Variants in ZKSCAN8 observed in about 807,000 individuals in gnomAD.
ZKSCAN8 encodes the protein zinc finger protein with KRAB and SCAN domains 8.
In ZKSCAN8, 27 loss-of-function variants were observed where a neutral mutation model predicts 57.2. The ratio of observed to expected loss-of-function variants is 0.47; its 90% CI spans 0.35 to 0.65. The LOEUF (loss-of-function observed/expected upper bound fraction) is 0.65. Ranked by LOEUF, ZKSCAN8 falls within the 30% of genes least tolerant of loss-of-function variation. The probability of loss-of-function intolerance (pLI) is 0.01; values close to 1 mark genes in which losing one functional copy is unlikely to be tolerated. For synonymous variants in ZKSCAN8, 214 were observed against 248.7 expected (o/e 0.86, Z 1.31); for missense variants, 597 against 696.3 (o/e 0.86, Z 1.60).
At position 28,154,797 on chromosome 6, in the gene ZKSCAN8, A is replaced by C. The variant is rs1765732537; in HGVS notation, c.*780A>C. The C allele has an allele frequency of 6.6e-6, 1 of 152,518 alleles. No homozygotes were observed. The highest frequency in any genetic ancestry group is 6.6e-5 in the Admixed American group (1 of 15,258). The allele number at this position is 152,518 out of a possible 1,614,324, so 9.4% of individuals were successfully genotyped here. ...AATACAGAGAAAGAGGTGAGTGGAG[A>C]CTCAGCCCAGCTGCTCTTGAGCTTG... On this transcript the variant is annotated 3_prime_UTR_variant, in exon 6 of 6. Transcript: ENST00000330236.
intron 1 of ZKSCAN8, among the ~76,000 whole-genome samples, chr6:28,146,284 C>G (rs1765390623): frequency 6.6e-6 from 1 of 152,070 alleles, no homozygotes. Context: ...AGTCAGAATT[C>G]CTTTGGAACT....
chr6:28,142,438 G>A (rs1395562621), intron 1 of ZKSCAN8, among the ~76,000 whole-genome samples: 3 of 151,450 alleles, frequency 2.0e-5, no homozygotes, highest in African/African-American at 7.3e-5. Flanking sequence ...TGGAAGCCCC[G>A]TTTATCCATG....
rs1362238364 is a variant in ZKSCAN8 at position 28,155,215 on chromosome 6, A to G, written c.*1198A>G. ...TTTTCATTCTTTTGAACTCTGGTGC[A>G]CTCCATCTGTAATCCATGTCTATAA... On this transcript the variant is annotated 3_prime_UTR_variant, in exon 6 of 6. Coordinates refer to ENST00000330236, the MANE Select transcript of ZKSCAN8 (RefSeq NM_006298.4). The G allele has an allele frequency of 2.0e-5, 3 of 152,128 alleles. No homozygotes were observed. Among genetic ancestry groups the G allele is most frequent in the Non-Finnish European group, 4.4e-5 (3 of 68,024 alleles). The allele number at this position is 152,128 out of a possible 1,614,324, so 9.4% of individuals were successfully genotyped here. A position where few individuals can be genotyped will look rare whatever the true frequency, so the allele number is the denominator to read the frequency against.
rs1765796372 is a variant in ZKSCAN8, at chr6:28,156,749, C to T, written c.*2732C>T. 1 of 152,186 alleles carries T rather than the reference C, an allele frequency of 6.6e-6. No individual in the cohort carries two copies. Among genetic ancestry groups the T allele is most frequent in the South Asian group, 2.1e-4 (1 of 4,828 alleles). 9.4% of individuals were successfully genotyped at this position (152,186 alleles called of 1,614,324 possible). The stretch of plus-strand genomic sequence containing the variant: ...AACTATTCATCAGTACTTTCTCCTC[C>T]CATCCTAAGCTTCTCATTTTAGGAA... On this transcript the variant is annotated 3_prime_UTR_variant, in exon 6 of 6. Transcript: ENST00000330236.
intron 1 of ZKSCAN8, among the ~76,000 whole-genome samples, chr6:28,145,731 T>C (rs1765371915): frequency 6.6e-6 from 1 of 152,228 alleles, no homozygotes; most frequent in Non-Finnish European, 1.5e-5. Context: ...GTCACTTAGC[T>C]CTCATTCATC....
chr6:28,146,908 A>G (rs1765416399), intron 1 of ZKSCAN8, among the ~76,000 whole-genome samples: 1 of 152,170 alleles, frequency 6.6e-6, no homozygotes, highest in East Asian at 1.9e-4. Context: ...CTCAAATTCT[A>G]TATAAAAATT....
Position 28,152,223 on chromosome 6 carries a change from A to C in ZKSCAN8, c.652-38A>C, listed in dbSNP as rs77155680. On this transcript the variant is annotated intron_variant, in intron 4 of 5. Transcript: ENST00000330236. ...GCTCTATAGGTTTGAGCTGTGGAAC[A>C]GTCCCAGTCCCCAAATGGGGATCTT... The C allele has an allele frequency of 2.4e-3, 3,854 of 1,576,620 alleles. 77 individuals are homozygous for C. The African/African-American group carries it at 0.044, about 18-fold the overall frequency.
Position 28,149,515 on chromosome 6 carries a change from CTGGGAG to C in ZKSCAN8, c.451_456del (p.Trp151_Glu152del). ...CTCGCGTACATGGACATAGGGTACT[CTGGGAG>C]GAGGTAGTACATTCAGCATCTGCAC... On this transcript the variant is annotated inframe_deletion, in exon 3 of 6. Coordinates refer to ENST00000330236, the MANE Select transcript of ZKSCAN8 (RefSeq NM_006298.4). The C allele has an allele frequency of 6.2e-7, 1 of 1,614,098 alleles. No individual in the cohort carries two copies. The highest frequency in any genetic ancestry group is 1.7e-5 in the Admixed American group (1 of 60,016).
At chr6:28,152,517 G>A in intron 5 of ZKSCAN8, 133 bp downstream of exon 5, 2 of 1,223,370 alleles carry the variant, frequency 1.6e-6, no homozygotes, top group Non-Finnish European at 2.2e-6. Context: ...ATATGATGTT[G>A]AGATTTCTTG....
Position 28,153,254 on chromosome 6 carries a change from A to G in ZKSCAN8, c.974A>G (p.Asp325Gly). ...NPTQERRHKCDECGKSFAQSS... is the reference protein window; with the variant it reads ...NPTQERRHKCGECGKSFAQSS... The stretch of plus-strand genomic sequence containing the variant: ...ACACAAGAGAGACGACATAAATGTG[A>G]TGAATGTGGGAAAAGCTTTGCTCAG... The change falls in exon 6 of 6, where the codon GAT becomes GGT. Residue 325 changes from aspartate (D) to glycine (G), a missense_variant. Transcript: ENST00000330236. 1.2e-6 allele frequency: 2 copies of G among 1,614,246 alleles called. No individual in the cohort carries two copies. Among genetic ancestry groups the G allele is most frequent in the Non-Finnish European group, 1.7e-6 (2 of 1,180,038 alleles).
rs1437928041 is a variant in ZKSCAN8, at chr6:28,155,000, T to C, written c.*983T>C. The C allele has an allele frequency of 6.6e-6, 1 of 152,616 alleles. No individual in the cohort carries two copies. Among genetic ancestry groups the C allele is most frequent in the East Asian group, 1.9e-4 (1 of 5,194 alleles). 9.5% of individuals were successfully genotyped at this position (152,616 alleles called of 1,614,324 possible). ...ACTCATCTTTTTTGGCCCATTACAA[T>C]ACTGCTTTCTCAGGTTCTTAACAGC... On this transcript the variant is annotated 3_prime_UTR_variant, in exon 6 of 6. Transcript: ENST00000330236.
Position 28,153,166 on chromosome 6 carries a change from G to A in ZKSCAN8, c.886G>A (p.Gly296Ser), listed in dbSNP as rs62401435. ...CAAATGCAACGGGGATGTTATCAGG[G>A]GTCTTGAGCATGAAGAAGCCCGAGA... ...AAKCNGDVIR[G>S]LEHEEARDLL... The change falls in exon 6 of 6, where the codon GGT becomes AGT. Residue 296 changes from glycine (G) to serine (S), a missense_variant. Gly to Ser is a moderately conservative substitution (Grantham distance 56). Coordinates refer to ENST00000330236, the MANE Select transcript of ZKSCAN8 (RefSeq NM_006298.4). The A allele has an allele frequency of 0.018, 29,405 of 1,614,136 alleles. 333 individuals carry two copies. The highest frequency in any genetic ancestry group is 0.022 in the Non-Finnish European group (25,504 of 1,180,036).
chr6:28,154,295 T>C lies in ZKSCAN8; in HGVS notation c.*278T>C, dbSNP rs1257542142. On this transcript the variant is annotated 3_prime_UTR_variant, in exon 6 of 6. Transcript: ENST00000330236. ...TAGCATTAGAGCAAGTTGCTTGTCA[T>C]GGCTTGAAGAGCTTAACTTTGTCTT... The C allele has an allele frequency of 3.1e-6, 1 of 320,094 alleles. No homozygotes were observed. The highest frequency in any genetic ancestry group is 5.6e-6 in the Non-Finnish European group (1 of 177,136). The allele number at this position is 320,094 out of a possible 1,614,324, so 19.8% of individuals were successfully genotyped here.
chr6:28,158,216 T>G lies in ZKSCAN8; in HGVS notation c.*4199T>G, dbSNP rs1765849423. 1 of 152,170 alleles carries G rather than the reference T, an allele frequency of 6.6e-6. No homozygotes were observed. Among genetic ancestry groups the G allele is most frequent in the Non-Finnish European group, 1.5e-5 (1 of 68,020 alleles). The allele number at this position is 152,170 out of a possible 1,614,324, so 9.4% of individuals were successfully genotyped here. On this transcript the variant is annotated 3_prime_UTR_variant, in exon 6 of 6. Coordinates refer to ENST00000330236, the MANE Select transcript of ZKSCAN8 (RefSeq NM_006298.4). ...GATCCTTTTTCTCTAATATCTGTCT[T>G]TCTTTTTTTAGTTGATCTTTCCACC...
Position 28,153,544 on chromosome 6 carries a change from A to T in ZKSCAN8, c.1264A>T (p.Ile422Phe). 1 of 1,614,132 alleles carries T rather than the reference A, an allele frequency of 6.2e-7. No individual in the cohort carries two copies. The highest frequency in any genetic ancestry group is 8.5e-7 in the Non-Finnish European group (1 of 1,180,026). Residue 422 changes from isoleucine (I) to phenylalanine (F), a missense_variant, in exon 6 of 6, where the codon ATT becomes TTT. Ile to Phe is a conservative substitution (Grantham distance 21). Coordinates refer to ENST00000330236, the MANE Select transcript of ZKSCAN8 (RefSeq NM_006298.4). Reference protein sequence around the residue: ...GKAFSQSAGLILHQRIHSGER... With the variant: ...GKAFSQSAGLFLHQRIHSGER... ...GGCTTTCAGTCAGAGTGCGGGCCTTATTCTGCACCAGAGAATCCACAGTGG... is the reference window on the plus strand; with the variant it reads ...GGCTTTCAGTCAGAGTGCGGGCCTTTTTCTGCACCAGAGAATCCACAGTGG...
chr6:28,149,768 T>C, intron 3 of ZKSCAN8, 144 bp downstream of exon 3: 2 of 847,362 alleles, frequency 2.4e-6, no homozygotes, highest in Non-Finnish European at 1.7e-6. Flanking sequence ...TGTTTAGGCT[T>C]CAAATATAGA....
rs1765771434 is a variant in ZKSCAN8 at position 28,156,093 on chromosome 6, A to G, written c.*2076A>G. 1 of 398,182 alleles carries G rather than the reference A, an allele frequency of 2.5e-6. No homozygotes were observed. The highest frequency in any genetic ancestry group is 2.1e-5 in the African/African-American group (1 of 48,618). 24.7% of individuals were successfully genotyped at this position (398,182 alleles called of 1,614,324 possible). ...TAAGATACTGATTCTTCCTGGGGCC[A>G]GTATTACCTTGTATGCAAATATTAC... On this transcript the variant is annotated 3_prime_UTR_variant, in exon 6 of 6. Transcript: ENST00000330236.
rs777618539 is a variant in ZKSCAN8 at position 28,156,511 on chromosome 6, A to C, written c.*2494A>C. The C allele has an allele frequency of 1.4e-5, 4 of 283,138 alleles. No homozygotes were observed. The highest frequency in any genetic ancestry group is 2.6e-5 in the Non-Finnish European group (4 of 153,290). 17.5% of individuals were successfully genotyped at this position (283,138 alleles called of 1,614,324 possible). ...AAAGAATTATCAAAGCTGATACAGCACATATACAGAATTAGCCAAATGGTA... is the reference window on the plus strand; with the variant it reads ...AAAGAATTATCAAAGCTGATACAGCCCATATACAGAATTAGCCAAATGGTA... On this transcript the variant is annotated 3_prime_UTR_variant, in exon 6 of 6. Coordinates refer to ENST00000330236, the MANE Select transcript of ZKSCAN8 (RefSeq NM_006298.4).
rs2113605607 is a variant in ZKSCAN8 at position 28,157,017 on chromosome 6, A to T, written c.*3000A>T. 1 of 152,292 alleles carries T rather than the reference A, an allele frequency of 6.6e-6. No homozygotes were observed. Among genetic ancestry groups the T allele is most frequent in the Middle Eastern group, 3.4e-3 (1 of 294 alleles). The allele number at this position is 152,292 out of a possible 1,614,324, so 9.4% of individuals were successfully genotyped here. ...TTATGCCTTTCTCAGGCTCATGATA[A>T]ATGTATTAGTCTGTTCTCATGCTGC... is the stretch of plus-strand genomic sequence containing the variant. On this transcript the variant is annotated 3_prime_UTR_variant, in exon 6 of 6. Coordinates refer to ENST00000330236, the MANE Select transcript of ZKSCAN8 (RefSeq NM_006298.4).
Sources: allele counts gnomAD v4.1 joint callset (sites outside exome capture counted in the v4.1 genomes callset), GRCh38; gene constraint gnomAD v4.1.1; transcripts MANE v1.5; gene names NCBI Gene and HGNC (gene_info 2026-07-23, HGNC 2026-07-21).